Variants in PIEZO1 observed in about 807,000 individuals in gnomAD.
PIEZO1 encodes piezo type mechanosensitive ion channel component 1 (Er blood group).
In PIEZO1, 296 loss-of-function variants were observed where a neutral mutation model predicts 297.2. The ratio of observed to expected loss-of-function variants is 1.00; its 90% CI spans 0.91 to 1.10. PIEZO1 has a LOEUF of 1.10. PIEZO1 is among the 50% of genes least tolerant of loss of function. The pLI is 0.00. For synonymous variants in PIEZO1, 2,427 were observed against 1,507.5 expected (o/e 1.61, Z -14.13); for missense variants, 5,018 against 3,455.5 (o/e 1.45, Z -11.34).
At position 88,725,587 on chromosome 16, in the gene PIEZO1, G is replaced by T. The variant is rs569079329; in HGVS notation, c.4058+8C>A. ...GAGCCGGGGAGTCCCCGCCCCAGAG[G>T]CACCTACTGTCTTTTCAGCTGGGCC... On this transcript the variant is annotated splice_region_variant and intron_variant, in intron 28 of 50. Transcript: ENST00000301015. The T allele has an allele frequency of 1.3e-6, 2 of 1,541,858 alleles. No individual in the cohort carries two copies. Among genetic ancestry groups the T allele is most frequent in the Non-Finnish European group, 1.8e-6 (2 of 1,139,198 alleles).
intron 38 of PIEZO1, 31 bp downstream of exon 38, chr16:88,721,507 C>T: frequency 6.5e-7 from 1 of 1,540,762 alleles, no homozygotes; most frequent in South Asian, 1.2e-5. Flanking sequence ...GCCTGCCCAG[C>T]CCCGCATTGC....
At chr16:88,724,655 C>T (rs1904315810) in intron 30 of PIEZO1, among the ~76,000 whole-genome samples, 1 of 152,130 alleles carries the variant, frequency 6.6e-6, no homozygotes, top group East Asian at 1.9e-4. Flanking sequence ...GATCATGCCA[C>T]TGCACTCCAG....
At chr16:88,775,209 A>G (rs139532359) in intron 1 of PIEZO1, among the ~76,000 whole-genome samples, 1 of 152,220 alleles carries the variant, frequency 6.6e-6, no homozygotes, top group Admixed American at 6.5e-5. Flanking sequence ...GAAGGTGAGC[A>G]GGATTGCCTG....
chr16:88,716,375 G>A lies in PIEZO1; in HGVS notation c.7035C>T (p.Thr2345=), dbSNP rs1397240543. Residue 2345 remains threonine, a synonymous_variant, in exon 48 of 51, where the codon ACC becomes ACT. Coordinates refer to ENST00000301015, the MANE Select transcript of PIEZO1 (RefSeq NM_001142864.4). The part of the protein sequence containing the change: ...RRQLASLLEG[T]SDQSVVIPNL... ...CCTTCACTCACACAGACTGGTCCGAGGTGCCCTCGAGCAGGCTGGCCAGCT... is the reference window on the plus strand; with the variant it reads ...CCTTCACTCACACAGACTGGTCCGAAGTGCCCTCGAGCAGGCTGGCCAGCT... 4 of 1,543,820 alleles carry A rather than the reference G, an allele frequency of 2.6e-6. No homozygotes were observed. Among genetic ancestry groups the A allele is most frequent in the Non-Finnish European group, 3.5e-6 (4 of 1,143,032 alleles).
chr16:88,722,613 T>G lies in PIEZO1; in HGVS notation c.4745A>C (p.Glu1582Ala), dbSNP rs1177620323. 6.5e-7 allele frequency: 1 copy of G among 1,537,792 alleles called. No individual in the cohort carries two copies. The highest frequency in any genetic ancestry group is 8.7e-7 in the Non-Finnish European group (1 of 1,145,440). ...QAEATLPGPT[E>A]APNAPSTVSS... is the part of the protein sequence containing the mutation. ...CACGGTGCTTGGGGCATTGGGGGCC[T>G]CGGTGGGGCCTGGCAGCGTGGCCTC... The change falls in exon 35 of 51, where the codon GAG becomes GCG. Residue 1582 changes from glutamate to alanine, a missense_variant. Glu to Ala is a moderately radical substitution (Grantham distance 107). Transcript: ENST00000301015.
chr16:88,770,446 T>C (rs937166023), intron 1 of PIEZO1, among the ~76,000 whole-genome samples: 4 of 152,134 alleles, frequency 2.6e-5, no homozygotes, highest in Admixed American at 2.0e-4. Flanking sequence ...GGCCAGGCTG[T>C]AGCGAGGATG....
At position 88,753,297 on chromosome 16, in the gene PIEZO1, C is replaced by T. The variant is rs1488233196; in HGVS notation, c.65-3818G>A. Among the ~76,000 whole-genome samples the T allele has an allele frequency of 8.7e-3, 640 of 73,382 alleles. 12 individuals carry two copies. The highest frequency in any genetic ancestry group is 0.028 in the African/African-American group (569 of 20,594). The allele number at this position is 73,382 out of a possible 152,430, so 48.1% of individuals were successfully genotyped here. The stretch of plus-strand genomic sequence containing the variant: ...ACCCGCCCCCCCAGAGCGTACCCGG[C>T]CCCCCGCAGCACACCTCCCGCCCCC... On this transcript the variant is annotated intron_variant, in intron 1 of 50. Coordinates refer to ENST00000301015, the MANE Select transcript of PIEZO1 (RefSeq NM_001142864.4).
At chr16:88,778,034 G>C (rs1365452833) in intron 1 of PIEZO1, among the ~76,000 whole-genome samples, 1 of 152,234 alleles carries the variant, frequency 6.6e-6, no homozygotes, top group Non-Finnish European at 1.5e-5. Flanking sequence ...CTGGGAATCT[G>C]TTTAAGTCAC....
Position 88,785,182 on chromosome 16 carries a change from C to A in PIEZO1, c.-218G>T, listed in dbSNP as rs1289410051. 2 of 268,106 alleles carry A rather than the reference C, an allele frequency of 7.5e-6. No individual in the cohort carries two copies. The highest frequency in any genetic ancestry group is 1.4e-5 in the Non-Finnish European group (2 of 145,690). 16.6% of individuals were successfully genotyped at this position (268,106 alleles called of 1,614,324 possible). A position where few individuals can be genotyped will look rare whatever the true frequency, so the allele number is the denominator to read the frequency against. On this transcript the variant is annotated 5_prime_UTR_variant, in exon 1 of 51. Coordinates refer to ENST00000301015, the MANE Select transcript of PIEZO1 (RefSeq NM_001142864.4). Reference sequence around the variant, plus strand: ...CTGCCCCTCGGCGGAGCGCAGCGCTCGGCTCACTGGGGCCGAGCTGGGCCG... The same window carrying A: ...CTGCCCCTCGGCGGAGCGCAGCGCTAGGCTCACTGGGGCCGAGCTGGGCCG...
At chr16:88,771,372 C>G (rs1907417341) in intron 1 of PIEZO1, among the ~76,000 whole-genome samples, 1 of 152,188 alleles carries the variant, frequency 6.6e-6, no homozygotes, top group African/African-American at 2.4e-5. Context: ...CTACATACAG[C>G]TAGGAGTGCG....
intron 1 of PIEZO1, among the ~76,000 whole-genome samples, chr16:88,753,720 C>A (rs542234043): frequency 6.6e-4 from 101 of 152,322 alleles, no homozygotes; most frequent in Admixed American, 1.1e-3. Flanking sequence ...ATGCAGCCGG[C>A]AGTGCTCTTG....
At position 88,718,863 on chromosome 16, in the gene PIEZO1, A is replaced by C. The variant is rs1912231023; in HGVS notation, c.6471+711T>G. ...GCTGGGAGCACAAGTGTGCACCATC[A>C]CACCCAGCTAACGTTTATTTTTTTG... On this transcript the variant is annotated intron_variant, in intron 44 of 50. Transcript: ENST00000301015. The C allele has an allele frequency of 2.0e-5, 3 of 152,656 alleles. No individual in the cohort carries two copies. In the Admixed American group the frequency reaches 2.0e-4, roughly 10 times the overall value. The allele number at this position is 152,656 out of a possible 1,614,324, so 9.5% of individuals were successfully genotyped here. A position where few individuals can be genotyped will look rare whatever the true frequency, so the allele number is the denominator to read the frequency against.
chr16:88,743,153 C>T (rs1905804945), intron 2 of PIEZO1: 1 of 455,820 alleles, frequency 2.2e-6, no homozygotes, highest in Non-Finnish European at 4.4e-6. Context: ...CCACTGGACT[C>T]AGCCCCCCAG....
chr16:88,733,549 C>A, intron 18 of PIEZO1, 39 bp downstream of exon 18: 2 of 1,528,136 alleles, frequency 1.3e-6, no homozygotes, highest in South Asian at 1.2e-5. Context: ...CAGAGCGACC[C>A]CACCCCAGAT....
At position 88,720,461 on chromosome 16, in the gene PIEZO1, G is replaced by A. The variant is rs1212924028; in HGVS notation, c.5873C>T (p.Thr1958Ile). 3.2e-6 allele frequency: 5 copies of A among 1,550,508 alleles called. No individual in the cohort carries two copies. In the South Asian group the frequency reaches 4.8e-5, roughly 15 times the overall value. Reference protein sequence around the residue: ...DILHTKYRAATDVYALMFLAD... With the variant: ...DILHTKYRAAIDVYALMFLAD... ...CAGGAACATGAGGGCATAGACGTCG[G>A]TGGCTGCGCGGTACTTGGTGTGCAG... Residue 1958 changes from threonine to isoleucine, a missense_variant, in exon 41 of 51, where the codon ACC becomes ATC. Transcript: ENST00000301015.
intron 1 of PIEZO1, among the ~76,000 whole-genome samples, chr16:88,763,732 T>C (rs7404387): frequency 0.44 from 66,625 of 152,016 alleles, 17,600 homozygotes; most frequent in African/African-American, 0.75. Context: ...AATGATTACA[T>C]TGATTAGCAT....
chr16:88,722,525 T>G, intron 35 of PIEZO1, 58 bp downstream of exon 35: 3 of 1,439,666 alleles, frequency 2.1e-6, no homozygotes, highest in South Asian at 2.6e-5. Flanking sequence ...CGGGGATGGC[T>G]AGGCGATGCC....
chr16:88,726,059 C>G, intron 27 of PIEZO1: 3 of 581,318 alleles, frequency 5.2e-6, no homozygotes, highest in African/African-American at 3.7e-5. Context: ...CACCAGCCAC[C>G]GTCAGCACTG....
rs1201184427 is a variant in PIEZO1 at position 88,736,189 on chromosome 16, G to A, written c.1516C>T (p.Leu506=). The A allele has an allele frequency of 9.7e-6, 15 of 1,549,198 alleles. No homozygotes were observed. The highest frequency in any genetic ancestry group is 1.3e-5 in the Non-Finnish European group (15 of 1,146,654). ...LGPVSLRQLG[L]EHTRYPCLDL... ...AGACAGGGGTAGCGGGTGTGCTCCA[G>A]CCCCAGCTGGCGCAGGCTGACGGGG... is the stretch of plus-strand genomic sequence containing the variant. The change falls in exon 12 of 51, where the codon CTG becomes TTG. Residue 506 remains leucine, a synonymous_variant. Transcript: ENST00000301015.
Sources: gnomAD v4.1 joint callset for allele counts (sites outside exome capture counted in the v4.1 genomes callset) on GRCh38, gnomAD v4.1.1 for gene constraint, MANE v1.5 for transcripts, NCBI Gene and HGNC (gene_info 2026-07-23, HGNC 2026-07-21) for gene names.